The following IPPK variants were observed in gnomAD, a reference collection of about 807,000 sequenced individuals.
The protein encoded by IPPK is IPK1 homolog.
A neutral mutation model predicts 64.6 loss-of-function variants in IPPK; 22 were observed. The observed-to-expected ratio is 0.34, with a 90% confidence interval of 0.24 to 0.49. The LOEUF (loss-of-function observed/expected upper bound fraction) is 0.49. Ranked by LOEUF, IPPK falls within the 20% of genes least tolerant of loss-of-function variation. The pLI, the probability that IPPK is intolerant of heterozygous loss-of-function variation, is 0.99. For missense variants in IPPK, 532 were observed against 630.7 expected, an observed-to-expected ratio of 0.84 and a Z score of 1.68; for synonymous variants, 262 against 247.2, an observed-to-expected ratio of 1.06 and a Z score of -0.56.
rs1160264553 is a variant in IPPK, at chr9:92,635,626, C to T, written c.917-318G>A. On this transcript the variant is annotated intron_variant, in intron 9 of 12. Transcript: ENST00000287996. The surrounding 1 kb of genome is among the most constrained non-coding windows in gnomAD (Gnocchi z 4.4). ...CTCTCAGAATGTCCTTTAGATTCCA[C>T]CACAACAGCCCTGGAAGTCACTTTA... is the stretch of plus-strand genomic sequence containing the variant. Among the ~76,000 whole-genome samples, 1 of 152,346 alleles carries T rather than the reference C, an allele frequency of 6.6e-6. No individual in the cohort carries two copies. The highest frequency in any genetic ancestry group is 1.9e-4 in the East Asian group (1 of 5,188).
chr9:92,652,809 GAATAA>G (rs1043193171), intron 3 of IPPK, among the ~76,000 whole-genome samples, 170 bp from the exon 4 acceptor site: 1 of 152,046 alleles, frequency 6.6e-6, no homozygotes, highest in African/African-American at 2.4e-5. Context: ...TGGATTTTGG[GAATAA>G]AAGCTGCTCT....
At chr9:92,655,863 G>T (rs945032032) in intron 3 of IPPK, among the ~76,000 whole-genome samples, 2 of 152,198 alleles carry the variant, frequency 1.3e-5, no homozygotes, top group African/African-American at 4.8e-5. Flanking sequence ...CAGAAGGGTG[G>T]GACCCAGGGG....
At position 92,639,020 on chromosome 9, in the gene IPPK, C is replaced by T. The variant is rs374927215; in HGVS notation, c.637-740G>A. Among the ~76,000 whole-genome samples the T allele has an allele frequency of 3.2e-4, 49 of 152,286 alleles. No individual in the cohort carries two copies. In the South Asian group the frequency reaches 8.7e-3, roughly 27 times the overall value. ...GGCCAACCCCAGGAGAGTAGCAACT[C>T]TTTAAACCTTATTTATTTCTTTTTA... On this transcript the variant is annotated intron_variant, in intron 8 of 12. Transcript: ENST00000287996.
chr9:92,650,558 C>A (rs1461606955), intron 4 of IPPK, among the ~76,000 whole-genome samples: 1 of 152,086 alleles, frequency 6.6e-6, no homozygotes, highest in Non-Finnish European at 1.5e-5. Flanking sequence ...CCACACCACC[C>A]CTGAGGAGAG....
intron 11 of IPPK, among the ~76,000 whole-genome samples, chr9:92,625,638 A>AC (rs1168091122): frequency 6.6e-6 from 1 of 152,108 alleles, no homozygotes; most frequent in Non-Finnish European, 1.5e-5. Flanking sequence ...CTCACCACCC[A>AC]CCCACAAAGA....
Position 92,615,615 on chromosome 9 carries a change from G to A in IPPK, c.*217C>T, listed in dbSNP as rs1851406199. ...GGACACTTCCATTTTAAGAGTGTGA[G>A]CAGCTTCCTGGGACACAGCACTCAC... is the stretch of plus-strand genomic sequence containing the variant. On this transcript the variant is annotated 3_prime_UTR_variant, in exon 13 of 13. Coordinates refer to ENST00000287996, the MANE Select transcript of IPPK (RefSeq NM_022755.6). 1 of 533,822 alleles carries A rather than the reference G, an allele frequency of 1.9e-6. No individual in the cohort carries two copies. The highest frequency in any genetic ancestry group is 3.4e-6 in the Non-Finnish European group (1 of 296,598). The allele number at this position is 533,822 out of a possible 1,614,324, so 33.1% of individuals were successfully genotyped here.
chr9:92,623,933 C>T (rs1437420113), intron 11 of IPPK, among the ~76,000 whole-genome samples: 1 of 152,222 alleles, frequency 6.6e-6, no homozygotes. Flanking sequence ...AAACTAGGAA[C>T]AACCCAAATG....
chr9:92,654,939 CAGCG>C (rs1852341281), intron 3 of IPPK, among the ~76,000 whole-genome samples: 1 of 152,266 alleles, frequency 6.6e-6, no homozygotes, highest in Non-Finnish European at 1.5e-5. Context: ...TGGCCCACAG[CAGCG>C]AGGTGGAACT....
intron 5 of IPPK, 88 bp downstream of exon 5, chr9:92,649,365 C>G: frequency 6.6e-7 from 1 of 1,519,506 alleles, no homozygotes; most frequent in Non-Finnish European, 9.0e-7. Flanking sequence ...TCAGTGGGAA[C>G]TGGAACCCAA....
In IPPK at chr9:92,648,230, T is replaced by C. The variant is rs1237694213; in HGVS notation, c.415-82A>G. On this transcript the variant is annotated intron_variant, in intron 5 of 12. Transcript: ENST00000287996. Reference sequence around the variant, plus strand: ...AATAGACATATCACTGACTACAAGATAATGAGTGCAGCAAGATAATTAGGC... The same window carrying C: ...AATAGACATATCACTGACTACAAGACAATGAGTGCAGCAAGATAATTAGGC... The C allele has an allele frequency of 2.9e-6, 3 of 1,033,766 alleles. No individual in the cohort carries two copies. In the Admixed American group the frequency reaches 6.3e-5, roughly 22 times the overall value. 64.0% of individuals were successfully genotyped at this position (1,033,766 alleles called of 1,614,324 possible).
intron 4 of IPPK, 116 bp from the exon 5 acceptor site, chr9:92,649,690 G>A: frequency 1.6e-6 from 2 of 1,227,474 alleles, no homozygotes; most frequent in Non-Finnish European, 1.1e-6. Flanking sequence ...TGTACCTGAT[G>A]AAAACCTCAT....
chr9:92,616,179 A>AAGTT (rs1851427023), intron 12 of IPPK, 122 bp from the exon 13 acceptor site: 2 of 674,246 alleles, frequency 3.0e-6, no homozygotes, highest in South Asian at 1.9e-5. Context: ...GACTTCTGCA[A>AAGTT]AGTTAGATAA....
chr9:92,668,869 C>G (rs946428665), intron 1 of IPPK, among the ~76,000 whole-genome samples: 1 of 152,228 alleles, frequency 6.6e-6, no homozygotes, highest in Non-Finnish European at 1.5e-5. Context: ...CCAATGCACC[C>G]AGCATAGGAA....
chr9:92,639,818 T>C (rs1182010905), intron 8 of IPPK, among the ~76,000 whole-genome samples: 1 of 152,248 alleles, frequency 6.6e-6, no homozygotes, highest in African/African-American at 2.4e-5. Context: ...AGACAGGGAA[T>C]GAAGCCAATT....
chr9:92,641,406 C>T (rs570798908), intron 7 of IPPK, among the ~76,000 whole-genome samples: 50 of 152,312 alleles, frequency 3.3e-4, no homozygotes, highest in Middle Eastern at 3.4e-3. Flanking sequence ...CCAGTATCCA[C>T]GCACTCTAGC....
At chr9:92,630,648 G>A (rs1851822172) in intron 11 of IPPK, among the ~76,000 whole-genome samples, 1 of 151,872 alleles carries the variant, frequency 6.6e-6, no homozygotes, top group African/African-American at 2.4e-5. Context: ...AAACATCTGT[G>A]TAAAATAATA....
intron 1 of IPPK, among the ~76,000 whole-genome samples, chr9:92,659,997 CA>C (rs1852449719): frequency 6.6e-6 from 1 of 151,988 alleles, no homozygotes; most frequent in African/African-American, 2.4e-5. Flanking sequence ...AAGCTGAAGG[CA>C]GGCATCAACA....
chr9:92,620,586 TCTC>T (rs758630437), intron 11 of IPPK: 1 of 152,236 alleles, frequency 6.6e-6, no homozygotes. Flanking sequence ...CAGACCATCA[TCTC>T]CTGTCTCCCT....
intron 1 of IPPK, among the ~76,000 whole-genome samples, chr9:92,664,476 C>T (rs374039896): frequency 1.7e-4 from 26 of 152,306 alleles, no homozygotes; most frequent in African/African-American, 4.8e-4. Context: ...TCGGCAACTC[C>T]GTCCTGACCT....
Sources: gnomAD v4.1 joint callset for allele counts (sites outside exome capture counted in the v4.1 genomes callset) on GRCh38, gnomAD v4.1.1 for gene constraint, Gnocchi (gnomAD v3.1) non-coding constraint, MANE v1.5 for transcripts, NCBI Gene and HGNC (gene_info 2026-07-23, HGNC 2026-07-21) for gene names.